DPP6: variants seen among roughly 807,000 people sequenced by gnomAD.
DPP6 encodes dipeptidyl peptidase like 6.
In DPP6, 69 loss-of-function variants were observed where a neutral mutation model predicts 122.6. The observed-to-expected ratio is 0.56, with a 90% CI of 0.46 to 0.69. The LOEUF is 0.69. Among genes scored for constraint, DPP6 ranks in the 30% least tolerant of loss-of-function variants. DPP6 has a pLI of 0.00. For synonymous variants in DPP6, 418 were observed against 433.1 expected (o/e 0.97, Z 0.43); for missense variants, 928 against 1,116.9 (o/e 0.83, Z 2.41).
chr7:154,438,213 A>G (rs1412820873), intron 1 of DPP6, among the ~76,000 whole-genome samples: 1 of 152,126 alleles, frequency 6.6e-6, no homozygotes, highest in East Asian at 1.9e-4. Context: ...AATGCCTGTA[A>G]TCCCAGAACT....
chr7:154,417,015 CTA>C (rs1817081799), intron 1 of DPP6, among the ~76,000 whole-genome samples: 1 of 152,154 alleles, frequency 6.6e-6, no homozygotes, highest in African/African-American at 2.4e-5. Flanking sequence ...GACAAAAAGT[CTA>C]TTACAACCCA....
intron 8 of DPP6, among the ~76,000 whole-genome samples, chr7:154,752,828 T>A (rs1171365895): frequency 1.3e-5 from 2 of 152,014 alleles, no homozygotes; most frequent in Non-Finnish European, 2.9e-5. Flanking sequence ...CAGGGGTAAA[T>A]GTTGGGTTCT....
intron 1 of DPP6, among the ~76,000 whole-genome samples, chr7:153,899,396 G>A (rs751694356): frequency 6.6e-6 from 1 of 152,168 alleles, no homozygotes; most frequent in Non-Finnish European, 1.5e-5. Context: ...TCATTCATTG[G>A]CACTAAAGAG....
intron 5 of DPP6, among the ~76,000 whole-genome samples, chr7:154,611,530 A>T (rs1395750283): frequency 6.6e-6 from 1 of 151,952 alleles, no homozygotes; most frequent in Non-Finnish European, 1.5e-5. Context: ...ATCCTAGAGG[A>T]GTGTGTGCAT....
chr7:154,661,801 C>T (rs10085430), intron 6 of DPP6, among the ~76,000 whole-genome samples: 52,186 of 110,646 alleles, frequency 0.47, 14,296 homozygotes, highest in East Asian at 0.62. Flanking sequence ...ATCACCATGG[C>T]GTGTTGGCCC....
At chr7:154,321,184 G>T (rs990292850) in intron 1 of DPP6, among the ~76,000 whole-genome samples, 3 of 152,172 alleles carry the variant, frequency 2.0e-5, no homozygotes, top group East Asian at 3.9e-4. Context: ...GGCTGAGGTG[G>T]GAGGATCGCT....
intron 1 of DPP6, among the ~76,000 whole-genome samples, chr7:154,356,807 C>A (rs1811305389): frequency 6.6e-6 from 1 of 151,936 alleles, no homozygotes; most frequent in African/African-American, 2.4e-5. Context: ...ATGTAAAATG[C>A]AGACTGCATG....
At chr7:154,537,647 G>C (rs1424164704) in intron 3 of DPP6, among the ~76,000 whole-genome samples, 2 of 151,646 alleles carry the variant, frequency 1.3e-5, no homozygotes, top group African/African-American at 4.8e-5. Flanking sequence ...CCGAGATCAT[G>C]CCATTACACT....
chr7:154,588,029 C>G (rs75213895), intron 5 of DPP6: 3 of 1,612,456 alleles, frequency 1.9e-6, no homozygotes, highest in Non-Finnish European at 2.5e-6. Flanking sequence ...CTGCTCACCC[C>G]GGGGATAATG....
At chr7:153,801,313 A>G in the DPP6 span, among the ~76,000 whole-genome samples, 7 of 149,316 alleles carry the variant, frequency 4.7e-5, no homozygotes, top group Admixed American at 4.0e-4. Flanking sequence ...AAAGTCAAAA[A>G]TGACCATCCA....
chr7:154,201,947 A>T (rs1487344882), intron 1 of DPP6, among the ~76,000 whole-genome samples: 2 of 152,164 alleles, frequency 1.3e-5, no homozygotes, highest in Non-Finnish European at 2.9e-5. Context: ...TCACAGAGTT[A>T]CTCCAGAGAT....
chr7:153,925,299 G>T (rs1474560943), intron 1 of DPP6, among the ~76,000 whole-genome samples: 3 of 150,088 alleles, frequency 2.0e-5, no homozygotes, highest in Non-Finnish European at 3.0e-5. Flanking sequence ...AGATCATCCC[G>T]CATGGTGGAG....
At chr7:154,298,223 C>T (rs1805666913) in intron 1 of DPP6, among the ~76,000 whole-genome samples, 1 of 151,794 alleles carries the variant, frequency 6.6e-6, no homozygotes, top group South Asian at 2.1e-4. Flanking sequence ...TTCACATCTG[C>T]CAGCCCCCAC....
intron 1 of DPP6, among the ~76,000 whole-genome samples, chr7:154,174,576 C>T (rs1797699870): frequency 6.6e-6 from 1 of 152,212 alleles, no homozygotes; most frequent in African/African-American, 2.4e-5. Context: ...AGTCAGCCTG[C>T]CCATGCTCAC....
chr7:154,828,184 G>A (rs1447869672), intron 16 of DPP6, among the ~76,000 whole-genome samples: 3 of 152,134 alleles, frequency 2.0e-5, no homozygotes, highest in African/African-American at 7.2e-5. Flanking sequence ...CCTTATTCGT[G>A]GGAGATACAC....
In DPP6 at chr7:154,853,803, G is replaced by T; in HGVS notation, c.1690G>T (p.Val564Leu). ...AGGTCCTGGTGTTCCTATGGTGACG[G>T]TGCACAACACAACAGATAAGAAAAG... ...CEGPGVPMVT[V>L]HNTTDKKKMF... The change falls in exon 17 of 26, where the codon GTG becomes TTG. Residue 564 changes from valine (V) to leucine (L), a missense_variant. Transcript: ENST00000377770. 1 of 1,613,864 alleles carries T rather than the reference G, an allele frequency of 6.2e-7. No homozygotes were observed. Among genetic ancestry groups the T allele is most frequent in the Non-Finnish European group, 8.5e-7 (1 of 1,179,820 alleles).
At chr7:154,447,931 A>G (rs1412796767) in intron 2 of DPP6, among the ~76,000 whole-genome samples, 1 of 152,234 alleles carries the variant, frequency 6.6e-6, no homozygotes, top group Non-Finnish European at 1.5e-5. Context: ...TCAACTTGAC[A>G]AGTATCTGTG....
chr7:154,749,483 CGGG>C (rs1843237116), intron 8 of DPP6, among the ~76,000 whole-genome samples: 1 of 122,082 alleles, frequency 8.2e-6, no homozygotes, highest in African/African-American at 3.1e-5. Flanking sequence ...GAGCATAGGA[CGGG>C]AGAGAGAGGG....
Position 154,875,882 on chromosome 7 carries a change from C to T in DPP6, c.1884-24C>T. Reference sequence around the variant, plus strand: ...CGCCACCCACCACGCAGCAGGCCTGCTGAGCCCGGGATTCTCTTTCCAGGG... The same window carrying T: ...CGCCACCCACCACGCAGCAGGCCTGTTGAGCCCGGGATTCTCTTTCCAGGG... On this transcript the variant is annotated intron_variant, in intron 19 of 25. Coordinates refer to ENST00000377770, the MANE Select transcript of DPP6 (RefSeq NM_130797.4). This position sits in a 1 kb window ranked among gnomAD's most constrained non-coding sequence, Gnocchi z 4.5. The T allele has an allele frequency of 6.3e-7, 1 of 1,592,548 alleles. No homozygotes were observed. The highest frequency in any genetic ancestry group is 8.5e-7 in the Non-Finnish European group (1 of 1,170,396).
Sources: gnomAD v4.1 joint callset for allele counts (sites outside exome capture counted in the v4.1 genomes callset) on GRCh38, gnomAD v4.1.1 for gene constraint, Gnocchi (gnomAD v3.1) non-coding constraint, MANE v1.5 for transcripts, NCBI Gene and HGNC (gene_info 2026-07-23, HGNC 2026-07-21) for gene names.